Variants in RBM20 observed in about 807,000 individuals in gnomAD.
RBM20 encodes the protein RNA binding motif protein 20, also known as RNA-binding protein 20.
Under a neutral mutation model 110.1 loss-of-function variants are expected in RBM20, and 51 were observed. That is an observed-to-expected ratio of 0.46 (90% CI 0.37 to 0.59). The LOEUF is 0.59. Ranked by LOEUF, RBM20 falls within the 20% of genes least tolerant of loss-of-function variation. The probability of loss-of-function intolerance (pLI) is 0.00; values close to 1 mark genes in which losing one functional copy is unlikely to be tolerated. For missense variants in RBM20, 1,512 were observed against 1,574.9 expected (o/e 0.96, Z 0.68); for synonymous variants, 589 against 618.2 (o/e 0.95, Z 0.70).
chr10:110,712,687 A>C (rs1402869194), intron 1 of RBM20, among the ~76,000 whole-genome samples: 2 of 152,164 alleles, frequency 1.3e-5, no homozygotes, highest in Admixed American at 1.3e-4. Context: ...GAATCGCTTG[A>C]ACCTGGGAAG....
intron 1 of RBM20, among the ~76,000 whole-genome samples, chr10:110,673,367 A>G (rs1046978776): frequency 1.3e-5 from 2 of 152,084 alleles, no homozygotes; most frequent in Non-Finnish European, 2.9e-5. Context: ...ACACACCACC[A>G]TGCCTGGCTA....
chr10:110,751,958 C>T (rs1310488231), intron 1 of RBM20, among the ~76,000 whole-genome samples: 1 of 151,984 alleles, frequency 6.6e-6, no homozygotes, highest in African/African-American at 2.4e-5. Flanking sequence ...ATACCCCCGC[C>T]TCCACACACA....
chr10:110,721,540 G>C (rs182766103), intron 1 of RBM20, among the ~76,000 whole-genome samples: 1 of 152,108 alleles, frequency 6.6e-6, no homozygotes, highest in Admixed American at 6.5e-5. Flanking sequence ...TCCAGGCATC[G>C]TCCTCCCAGC....
In RBM20 at chr10:110,823,891, T is replaced by A. The variant is rs4918596; in HGVS notation, c.3451+277T>A. 3.4e-3 allele frequency among the ~76,000 whole-genome samples: 487 copies of A among 141,272 alleles called. 1 individual carries two copies. Among genetic ancestry groups the A allele is most frequent in the African/African-American group, 8.4e-3 (326 of 38,802 alleles). The allele number at this position is 141,272 out of a possible 152,430, so 92.7% of individuals were successfully genotyped here. A position where few individuals can be genotyped will look rare whatever the true frequency, so the allele number is the denominator to read the frequency against. ...CACCACCAGGCCCGGCTAATTTTTT[T>A]AATTTTTTTTTTTTTTGCAGAGATG... On this transcript the variant is annotated intron_variant, in intron 12 of 13. Coordinates refer to ENST00000369519, the MANE Select transcript of RBM20 (RefSeq NM_001134363.3).
At chr10:110,794,280 G>T (rs978837223) in intron 5 of RBM20, among the ~76,000 whole-genome samples, 1 of 152,174 alleles carries the variant, frequency 6.6e-6, no homozygotes, top group African/African-American at 2.4e-5. Flanking sequence ...ACAACCCAAA[G>T]ATATTTCAGA....
intron 13 of RBM20, among the ~76,000 whole-genome samples, chr10:110,831,683 A>AAAAC (rs1554844357): frequency 4.6e-5 from 3 of 64,822 alleles, no homozygotes; most frequent in African/African-American, 1.3e-4. Context: ...AAAAAAAAAA[A>AAAAC]AAAAAAAACA....
chr10:110,755,153 T>TG (rs557970829), intron 1 of RBM20, among the ~76,000 whole-genome samples: 1 of 152,228 alleles, frequency 6.6e-6, no homozygotes, highest in African/African-American at 2.4e-5. Context: ...CCTATGGGTT[T>TG]GGGGGGGACA....
chr10:110,783,689 G>A (rs560737348), intron 3 of RBM20, among the ~76,000 whole-genome samples: 4 of 152,356 alleles, frequency 2.6e-5, no homozygotes, highest in Non-Finnish European at 4.4e-5. Flanking sequence ...GTGCGTGGGC[G>A]TGTGCCTCCC....
Position 110,821,380 on chromosome 10 carries a change from A to T in RBM20, c.2761A>T (p.Ile921Phe), listed in dbSNP as rs397516608. The T allele has an allele frequency of 3.0e-5, 46 of 1,551,648 alleles. No individual in the cohort carries two copies. The highest frequency in any genetic ancestry group is 3.8e-5 in the Non-Finnish European group (44 of 1,147,014). Residue 921 changes from isoleucine (I) to phenylalanine (F), a missense_variant, in exon 11 of 14, where the codon ATC becomes TTC. By Grantham distance (21) the Ile-to-Phe change is conservative (BLOSUM62 0). This residue lies in a region of RBM20 where 358 missense variants were observed against 384.2 expected (regional missense o/e 0.93). Transcript: ENST00000369519. The part of the protein sequence containing the change: ...VDEVGEEEDF[I>F]VEPDIPELEE... ...CGAGGTTGGGGAAGAAGAAGATTTT[A>T]TCGTGGAACCAGACATCCCAGAGCT...
In RBM20 at chr10:110,812,745, G is replaced by A; in HGVS notation, c.2348G>A (p.Arg783Lys). The A allele has an allele frequency of 6.4e-7, 1 of 1,551,774 alleles. No homozygotes were observed. The highest frequency in any genetic ancestry group is 8.7e-7 in the Non-Finnish European group (1 of 1,147,004). The change falls in exon 9 of 14, where the codon AGG (arginine) becomes AAG (lysine). Residue 783 changes from arginine (R) to lysine (K), a missense_variant. Arg to Lys is a conservative substitution (Grantham distance 26). This residue lies in a region of RBM20 where 1,149 missense variants were observed against 1,169.4 expected (regional missense o/e 0.98). Transcript: ENST00000369519. ...CAGCAGGATGCCCCCGGGAGGTCCAGGAGGAAAGACGAGGCCAGGCTGCGG... is the reference window on the plus strand; with the variant it reads ...CAGCAGGATGCCCCCGGGAGGTCCAAGAGGAAAGACGAGGCCAGGCTGCGG... ...KQQQDAPGRS[R>K]RKDEARLRES... is the part of the protein sequence containing the mutation.
Position 110,667,643 on chromosome 10 carries a change from C to T in RBM20, c.191+22998C>T, listed in dbSNP as rs1329210472. On this transcript the variant is annotated intron_variant, in intron 1 of 13. Coordinates refer to ENST00000369519, the MANE Select transcript of RBM20 (RefSeq NM_001134363.3). ...CCTCTTACAGCCAGAACCCAGCCCC[C>T]TTTTCATCACTAATCTCGTAACACA... is the stretch of plus-strand genomic sequence containing the variant. Among the ~76,000 whole-genome samples, 4 of 152,206 alleles carry T rather than the reference C, an allele frequency of 2.6e-5. No homozygotes were observed. The East Asian group carries it at 7.7e-4, about 29-fold the overall frequency.
intron 1 of RBM20, among the ~76,000 whole-genome samples, chr10:110,767,161 G>A (rs565175616): frequency 0.13 from 11,242 of 86,666 alleles, 1,954 homozygotes; most frequent in East Asian, 0.24. Context: ...CCGGGCGGGG[G>A]GCTGACCCCC....
At chr10:110,814,682 G>T (rs947751710) in intron 9 of RBM20, among the ~76,000 whole-genome samples, 2 of 152,118 alleles carry the variant, frequency 1.3e-5, no homozygotes, top group Non-Finnish European at 2.9e-5. Flanking sequence ...TTTTAGTAGA[G>T]ACAGGGTTTC....
At chr10:110,745,506 A>C (rs572758457) in intron 1 of RBM20, among the ~76,000 whole-genome samples, 19 of 152,246 alleles carry the variant, frequency 1.2e-4, no homozygotes, top group African/African-American at 4.6e-4. Flanking sequence ...CTGTTTGATA[A>C]ATTCTCTGGA....
intron 11 of RBM20, chr10:110,822,301 G>A: frequency 2.4e-6 from 1 of 421,146 alleles, no homozygotes; most frequent in Non-Finnish European, 4.5e-6. Flanking sequence ...GGGCCACCCA[G>A]GCTGTTATTT....
intron 1 of RBM20, among the ~76,000 whole-genome samples, chr10:110,732,434 A>G (rs1316507852): frequency 6.6e-6 from 1 of 152,210 alleles, no homozygotes; most frequent in Non-Finnish European, 1.5e-5. Context: ...TTTCTCCTTC[A>G]GATGATTTCA....
At chr10:110,737,936 G>A (rs1041987301) in intron 1 of RBM20, among the ~76,000 whole-genome samples, 1 of 152,182 alleles carries the variant, frequency 6.6e-6, no homozygotes, top group African/African-American at 2.4e-5. Flanking sequence ...GGAATTGCTG[G>A]GTTGTTAAAT....
chr10:110,647,868 A>G (rs1861890655), intron 1 of RBM20, among the ~76,000 whole-genome samples: 7 of 152,232 alleles, frequency 4.6e-5, no homozygotes, highest in Admixed American at 4.6e-4. Flanking sequence ...TAGAATGAAA[A>G]CAGAGCCACT....
chr10:110,787,681 G>T (rs1322926314), intron 5 of RBM20, among the ~76,000 whole-genome samples: 1 of 152,218 alleles, frequency 6.6e-6, no homozygotes, highest in East Asian at 1.9e-4. Flanking sequence ...ATTCCTCGAA[G>T]CTCTGAGTGC....
Sources: allele counts gnomAD v4.1 joint callset (sites outside exome capture counted in the v4.1 genomes callset), GRCh38; gene constraint gnomAD v4.1.1; regional missense constraint gnomAD v4.1.1; transcripts MANE v1.5; gene names NCBI Gene and HGNC (gene_info 2026-07-23, HGNC 2026-07-21).